NAV2: variants seen among roughly 807,000 people sequenced by gnomAD.
NAV2 encodes the protein helicase, APC down-regulated 1.
In NAV2, 54 loss-of-function variants were observed where a neutral mutation model predicts 223.2. That is an observed-to-expected ratio of 0.24 (90% CI 0.19 to 0.30). NAV2 has a LOEUF of 0.30. Among genes scored for constraint, NAV2 ranks in the 10% least tolerant of loss-of-function variants. NAV2 has a pLI of 1.00. For synonymous variants in NAV2, 1,279 were observed against 1,239.3 expected (o/e 1.03, Z -0.67); for missense variants, 2,806 against 3,147.5 (o/e 0.89, Z 2.60).
chr11:20,021,953 A>C (rs916246848), intron 11 of NAV2, among the ~76,000 whole-genome samples: 2 of 152,004 alleles, frequency 1.3e-5, no homozygotes, highest in African/African-American at 4.8e-5. Context: ...TGCTGACCAC[A>C]CAGAGACCTC....
chr11:19,836,170 C>T (rs1298926221), intron 2 of NAV2, among the ~76,000 whole-genome samples: 1 of 152,162 alleles, frequency 6.6e-6, no homozygotes, highest in Non-Finnish European at 1.5e-5. Context: ...TTTAGTACTC[C>T]ACTAAACATT....
At chr11:19,560,303 A>T (rs1022008580) in intron 1 of NAV2, among the ~76,000 whole-genome samples, 2 of 152,200 alleles carry the variant, frequency 1.3e-5, no homozygotes, top group African/African-American at 4.8e-5. Context: ...CTATTGAGAC[A>T]TCTGCTTCCT....
intron 1 of NAV2, among the ~76,000 whole-genome samples, chr11:19,389,969 T>C (rs900843961): frequency 6.6e-6 from 1 of 152,214 alleles, no homozygotes; most frequent in Non-Finnish European, 1.5e-5. Flanking sequence ...CCCAGGCTGC[T>C]CTGTGACCCT....
At chr11:19,738,129 C>G (rs2052485992) in intron 1 of NAV2, among the ~76,000 whole-genome samples, 1 of 152,250 alleles carries the variant, frequency 6.6e-6, no homozygotes, top group Non-Finnish European at 1.5e-5. Flanking sequence ...CCTTCCCTGA[C>G]ATGGCATGCA....
intron 4 of NAV2, among the ~76,000 whole-genome samples, chr11:19,872,238 C>T (rs1287726820): frequency 2.0e-5 from 3 of 152,210 alleles, no homozygotes; most frequent in Non-Finnish European, 2.9e-5. Context: ...GAACTTACCA[C>T]ATGTCAGTCA....
At chr11:19,868,481 A>T (rs2062238529) in intron 3 of NAV2, among the ~76,000 whole-genome samples, 1 of 152,158 alleles carries the variant, frequency 6.6e-6, no homozygotes, top group Non-Finnish European at 1.5e-5. Flanking sequence ...GAATTTTGTG[A>T]GTAAATGCTA....
In NAV2 at chr11:19,763,662, C is replaced by G. The variant is rs569468539; in HGVS notation, c.267+49700C>G. On this transcript the variant is annotated intron_variant, in intron 1 of 37. Coordinates refer to ENST00000349880, the MANE Select transcript of NAV2 (RefSeq NM_145117.5). ...TCCGTACTCGCATAGTTTCTGAAAG[C>G]AAACCCCAAATGCCACTGTCTCAGC... 2.0e-5 allele frequency among the ~76,000 whole-genome samples: 3 copies of G among 152,108 alleles called. No individual in the cohort carries two copies. In the South Asian group the frequency reaches 6.2e-4, roughly 32 times the overall value.
chr11:19,859,267 C>T (rs2061556140), intron 3 of NAV2, among the ~76,000 whole-genome samples: 1 of 146,820 alleles, frequency 6.8e-6, no homozygotes, highest in African/African-American at 2.5e-5. Flanking sequence ...CTCTGGTTTT[C>T]CTAGGCAGAG....
At chr11:19,678,561 G>C (rs1345973093) in intron 1 of NAV2, among the ~76,000 whole-genome samples, 1 of 152,200 alleles carries the variant, frequency 6.6e-6, no homozygotes, top group Non-Finnish European at 1.5e-5. Context: ...TAGGCTCTGT[G>C]ATGGGAGAGC....
intron 36 of NAV2, among the ~76,000 whole-genome samples, chr11:20,113,407 G>A (rs1266372392): frequency 1.3e-5 from 2 of 152,162 alleles, no homozygotes; most frequent in Non-Finnish European, 2.9e-5. Context: ...TTCAAAGAAT[G>A]TATGTATTTC....
At chr11:20,083,252 C>T in intron 26 of NAV2, 73 bp downstream of exon 26, 1 of 1,226,742 alleles carries the variant, frequency 8.2e-7, no homozygotes, top group Non-Finnish European at 1.2e-6. Flanking sequence ...GGCTAGGAGT[C>T]CTGTTATGAC....
intron 1 of NAV2, among the ~76,000 whole-genome samples, chr11:19,756,527 G>A (rs2054246624): frequency 6.6e-6 from 1 of 152,188 alleles, no homozygotes; most frequent in Non-Finnish European, 1.5e-5. Flanking sequence ...AAACCCCCAG[G>A]AATCTGATTG....
chr11:19,357,884 C>G (rs1474483633), intron 1 of NAV2, among the ~76,000 whole-genome samples: 1 of 152,148 alleles, frequency 6.6e-6, no homozygotes, highest in Non-Finnish European at 1.5e-5. Flanking sequence ...GTGTCTAAGA[C>G]AGCCCTTACA....
chr11:19,607,559 G>T (rs2046513699), intron 1 of NAV2, among the ~76,000 whole-genome samples: 1 of 152,204 alleles, frequency 6.6e-6, no homozygotes, highest in African/African-American at 2.4e-5. Flanking sequence ...TCAGCTGATT[G>T]TACCCCTTGC....
chr11:19,489,956 C>T lies in NAV2; in HGVS notation c.75+138929C>T, dbSNP rs77590173. On this transcript the variant is annotated intron_variant, in intron 1 of 37. Coordinates refer to the NAV2 transcript ENST00000360655. Reference sequence around the variant, plus strand: ...ATACAGGCATACATTGGAGATATCGCGGGTTCAGTTCCAGACCAGCGCAAT... The same window carrying T: ...ATACAGGCATACATTGGAGATATCGTGGGTTCAGTTCCAGACCAGCGCAAT... 7.5e-3 allele frequency among the ~76,000 whole-genome samples: 1,142 copies of T among 152,234 alleles called. 20 individuals carry two copies. The highest frequency in any genetic ancestry group is 0.026 in the African/African-American group (1,080 of 41,534).
intron 1 of NAV2, among the ~76,000 whole-genome samples, chr11:19,799,872 ACT>A (rs2058135549): frequency 6.6e-6 from 1 of 151,574 alleles, no homozygotes; most frequent in Admixed American, 6.6e-5. Flanking sequence ...GCCCTGAGAG[ACT>A]CTACTTTATA....
chr11:19,915,441 AT>A (rs567339135), intron 6 of NAV2, among the ~76,000 whole-genome samples: 1 of 152,000 alleles, frequency 6.6e-6, no homozygotes, highest in African/African-American at 2.4e-5. Flanking sequence ...AGCTGGCCTC[AT>A]TTTTTTGCTG....
intron 1 of NAV2, among the ~76,000 whole-genome samples, chr11:19,653,813 C>T (rs4757835): frequency 0.04 from 6,115 of 152,216 alleles, 154 homozygotes; most frequent in Middle Eastern, 0.078. Flanking sequence ...CCCATGGTAA[C>T]GCATCCCAGC....
intron 36 of NAV2, 41 bp from the exon 37 acceptor site, chr11:20,114,551 C>G (rs764533470): frequency 1.3e-6 from 2 of 1,596,208 alleles, no homozygotes; most frequent in South Asian, 1.1e-5. Context: ...CGAGAGAGAT[C>G]TGGGCCACTT....
Sources: gnomAD v4.1 joint callset for allele counts (sites outside exome capture counted in the v4.1 genomes callset) on GRCh38, gnomAD v4.1.1 for gene constraint, MANE v1.5 for transcripts, NCBI Gene and HGNC (gene_info 2026-07-23, HGNC 2026-07-21) for gene names.